Variants in FAM53B observed in about 807,000 individuals in gnomAD.
FAM53B encodes family with sequence similarity 53 member B.
In FAM53B, 12 loss-of-function variants were observed where a neutral mutation model predicts 32.7. The ratio of observed to expected loss-of-function variants is 0.37; its 90% CI spans 0.24 to 0.59. The LOEUF (loss-of-function observed/expected upper bound fraction) is 0.59, where lower values mean the gene tolerates loss of function less well. Ranked by LOEUF, FAM53B falls within the 20% of genes least tolerant of loss-of-function variation. The pLI, the probability that FAM53B is intolerant of heterozygous loss-of-function variation, is 0.72. For synonymous variants in FAM53B, 234 were observed against 228.7 expected (o/e 1.02, Z -0.21); for missense variants, 477 against 577.7 (o/e 0.83, Z 1.79).
chr10:124,660,939 C>T (rs1949626988), intron 4 of FAM53B, among the ~76,000 whole-genome samples: 1 of 151,596 alleles, frequency 6.6e-6, no homozygotes, highest in African/African-American at 2.4e-5. Context: ...GCAATCACTA[C>T]ATATTGGGTA....
At chr10:124,639,900 G>T (rs528926635) in intron 4 of FAM53B, among the ~76,000 whole-genome samples, 3 of 143,006 alleles carry the variant, frequency 2.1e-5, no homozygotes, top group East Asian at 4.2e-4. Flanking sequence ...AGAGACAGAG[G>T]TTGGTTTGGG....
intron 1 of FAM53B, among the ~76,000 whole-genome samples, chr10:124,726,662 C>T (rs1213776668): frequency 6.6e-6 from 1 of 152,208 alleles, no homozygotes. Context: ...AGTCACAGAA[C>T]AGCTGCCATA....
chr10:124,631,180 G>A (rs1447336458), intron 4 of FAM53B, among the ~76,000 whole-genome samples: 1 of 152,202 alleles, frequency 6.6e-6, no homozygotes, highest in African/African-American at 2.4e-5. Context: ...CCCTCATGCT[G>A]TGCATCCTGG....
intron 4 of FAM53B, among the ~76,000 whole-genome samples, chr10:124,671,355 G>GA (rs1426187133): frequency 3.3e-5 from 5 of 152,186 alleles, no homozygotes; most frequent in African/African-American, 4.8e-5. Context: ...TCTGCCCTGG[G>GA]GTCCCCTAGC....
At chr10:124,648,473 C>T (rs1949534664) in intron 4 of FAM53B, among the ~76,000 whole-genome samples, 1 of 152,220 alleles carries the variant, frequency 6.6e-6, no homozygotes. Flanking sequence ...TCTCCCCGCT[C>T]CTTGGGAGCC....
intron 1 of FAM53B, among the ~76,000 whole-genome samples, chr10:124,741,033 C>T (rs931840466): frequency 2.0e-5 from 3 of 152,232 alleles, no homozygotes; most frequent in African/African-American, 7.2e-5. Context: ...TCGGGATTCT[C>T]CCCTAAAGTT....
rs1200600894 is a variant in FAM53B at position 124,638,576 on chromosome 10, AGAGG to A, written c.907-14976_907-14973del. Among the ~76,000 whole-genome samples the A allele has an allele frequency of 2.6e-5, 4 of 152,340 alleles. No homozygotes were observed. In the East Asian group the frequency reaches 7.7e-4, roughly 29 times the overall value. On this transcript the variant is annotated intron_variant, in intron 4 of 4. Coordinates refer to ENST00000337318, the MANE Select transcript of FAM53B (RefSeq NM_014661.4). ...CTGATGGTGCCAGCTGCACCACGAC[AGAGG>A]GAGTGACCCACGTTGCCCACGAGCA...
chr10:124,636,903 G>C lies in FAM53B; in HGVS notation c.907-13299C>G, dbSNP rs1463916491. Among the ~76,000 whole-genome samples the C allele has an allele frequency of 2.6e-5, 4 of 151,918 alleles. 1 individual carries two copies. The highest frequency in any genetic ancestry group is 5.9e-5 in the Non-Finnish European group (4 of 67,986). On this transcript the variant is annotated intron_variant, in intron 4 of 4. Coordinates refer to ENST00000337318, the MANE Select transcript of FAM53B (RefSeq NM_014661.4). The stretch of plus-strand genomic sequence containing the variant: ...ACCAAGCAGAAGAGATGCAGAGGCG[G>C]AGTTCCCAGAGTCAGGTGCAGCTAG...
chr10:124,667,447 T>G (rs775148764), intron 4 of FAM53B: 1 of 760,430 alleles, frequency 1.3e-6, no homozygotes, highest in African/African-American at 1.7e-5. Context: ...AACAGGTGAG[T>G]TTCTTCTGCA....
intron 1 of FAM53B, among the ~76,000 whole-genome samples, chr10:124,736,940 C>T (rs777608884): frequency 2.6e-5 from 4 of 152,234 alleles, no homozygotes; most frequent in Non-Finnish European, 4.4e-5. Context: ...CTGGTGAGCA[C>T]TGGATGGAAA....
chr10:124,702,408 A>G (rs139652079), intron 2 of FAM53B, among the ~76,000 whole-genome samples: 1 of 152,356 alleles, frequency 6.6e-6, no homozygotes, highest in African/African-American at 2.4e-5. Flanking sequence ...TGCTAGCATC[A>G]GCTTATCTCA....
chr10:124,636,524 A>G (rs1467937784), intron 4 of FAM53B, among the ~76,000 whole-genome samples: 1 of 152,164 alleles, frequency 6.6e-6, no homozygotes, highest in Non-Finnish European at 1.5e-5. Context: ...TCACAGAACA[A>G]CAGGAAGAGG....
rs1313304894 is a variant in FAM53B at position 124,651,353 on chromosome 10, G to A, written c.907-27749C>T. 6.6e-6 allele frequency among the ~76,000 whole-genome samples: 1 copy of A among 152,236 alleles called. No individual in the cohort carries two copies. The highest frequency in any genetic ancestry group is 1.5e-5 in the Non-Finnish European group (1 of 68,046). ...AGAAGGAGGCTGGAGGGGTGCGGCTGAGCAGAGGGTGCTGCCTGGCATCCT... is the reference window on the plus strand; with the variant it reads ...AGAAGGAGGCTGGAGGGGTGCGGCTAAGCAGAGGGTGCTGCCTGGCATCCT... On this transcript the variant is annotated intron_variant, in intron 4 of 4. Transcript: ENST00000337318. This position sits in a 1 kb window ranked among gnomAD's most constrained non-coding sequence, Gnocchi z 5.2.
chr10:124,672,620 A>G, intron 4 of FAM53B, among the ~76,000 whole-genome samples: 1 of 152,222 alleles, frequency 6.6e-6, no homozygotes, highest in Non-Finnish European at 1.5e-5. Context: ...CCATGAAAGA[A>G]TCCTCCTGTG....
rs1205909377 is a variant in FAM53B at position 124,623,789 on chromosome 10, G to A, written c.907-185C>T. The A allele has an allele frequency of 4.1e-5, 25 of 607,380 alleles. 1 individual carries two copies. In the Admixed American group the frequency reaches 8.1e-4, roughly 20 times the overall value. 37.6% of individuals were successfully genotyped at this position (607,380 alleles called of 1,614,324 possible). ...TCATGAAGATGCACCTCCGGCCAAT[G>A]AGCGCTCTGTGCTCATAAAGACACG... On this transcript the variant is annotated intron_variant, in intron 4 of 4. Transcript: ENST00000337318.
intron 1 of FAM53B, among the ~76,000 whole-genome samples, chr10:124,741,429 G>A (rs545259081): frequency 6.6e-6 from 1 of 152,184 alleles, no homozygotes; most frequent in Non-Finnish European, 1.5e-5. Flanking sequence ...CGAGCGGTGG[G>A]TGAGAAGAGT....
intron 4 of FAM53B, among the ~76,000 whole-genome samples, chr10:124,633,943 C>CA (rs961335654): frequency 1.3e-5 from 2 of 152,148 alleles, no homozygotes; most frequent in Non-Finnish European, 2.9e-5. Flanking sequence ...ATTTACATGT[C>CA]AAAAAATGCC....
chr10:124,737,123 C>T (rs1232882676), intron 1 of FAM53B, among the ~76,000 whole-genome samples: 2 of 152,128 alleles, frequency 1.3e-5, no homozygotes, highest in Non-Finnish European at 2.9e-5. Flanking sequence ...GCAAAGTGCC[C>T]GGCTCCACAC....
intron 4 of FAM53B, among the ~76,000 whole-genome samples, chr10:124,625,486 C>T (rs568602468): frequency 6.6e-4 from 101 of 152,288 alleles, no homozygotes; most frequent in African/African-American, 2.2e-3. Context: ...CCCCTCACCA[C>T]GGCAGAGAGC....
Sources: gnomAD v4.1 joint callset for allele counts (sites outside exome capture counted in the v4.1 genomes callset) on GRCh38, gnomAD v4.1.1 for gene constraint, Gnocchi (gnomAD v3.1) non-coding constraint, MANE v1.5 for transcripts, NCBI Gene and HGNC (gene_info 2026-07-23, HGNC 2026-07-21) for gene names.